Variants in TMEM38A observed in about 807,000 individuals in gnomAD.
TMEM38A encodes trimeric intracellular cation channel type A.
Under a neutral mutation model 28.6 loss-of-function variants are expected in TMEM38A, and 17 were observed. That is an observed-to-expected ratio of 0.60 (90% CI 0.41 to 0.89). TMEM38A has a LOEUF of 0.89. TMEM38A is among the 40% of genes least tolerant of loss of function. TMEM38A has a pLI of 0.00. For synonymous variants in TMEM38A, 169 were observed against 166.1 expected, an observed-to-expected ratio of 1.02 and a Z score of -0.14; for missense variants, 328 against 393.1, an observed-to-expected ratio of 0.83 and a Z score of 1.40.
chr19:16,678,215 G>T (rs945391277), intron 1 of TMEM38A, among the ~76,000 whole-genome samples: 3 of 152,140 alleles, frequency 2.0e-5, no homozygotes, highest in African/African-American at 7.2e-5. Flanking sequence ...CAGATCACAA[G>T]GTCAAGAGAT....
At chr19:16,677,511 A>C (rs1282736664) in intron 1 of TMEM38A, among the ~76,000 whole-genome samples, 1 of 142,360 alleles carries the variant, frequency 7.0e-6, no homozygotes, top group Non-Finnish European at 1.5e-5. Flanking sequence ...ATTAGAAAAA[A>C]TTTTTTGTAG....
At chr19:16,682,381 T>C (rs753388964) in intron 3 of TMEM38A, 40 bp from the exon 4 acceptor site, 41 of 1,549,654 alleles carry the variant, frequency 2.6e-5, no homozygotes, top group Non-Finnish European at 3.6e-5. Context: ...AAAGGAGACC[T>C]GGGGGTGGTG....
intron 1 of TMEM38A, among the ~76,000 whole-genome samples, chr19:16,670,391 C>T (rs2086722129): frequency 6.6e-6 from 1 of 151,958 alleles, no homozygotes; most frequent in Admixed American, 6.6e-5. Flanking sequence ...TCTCCTGCCT[C>T]AGCTGCCGGA....
chr19:16,687,059 G>C (rs2086804873), intron 5 of TMEM38A, among the ~76,000 whole-genome samples: 1 of 152,126 alleles, frequency 6.6e-6, no homozygotes, highest in Non-Finnish European at 1.5e-5. Context: ...ATTTATTCCT[G>C]GGCAGGCACG....
Position 16,661,248 on chromosome 19 carries a change from G to C in TMEM38A, c.31G>C (p.Glu11Gln). Reference protein sequence around the residue: MELLSALSLGELALSFSRVPL... With the variant: MELLSALSLGQLALSFSRVPL... ...GCTGCTCTCGGCGCTGAGCCTGGGC[G>C]AACTGGCGCTCAGCTTCTCGCGGGT... The change falls in exon 1 of 6, where the codon GAA becomes CAA. Residue 11 changes from glutamate to glutamine, a missense_variant. Coordinates refer to ENST00000187762, the MANE Select transcript of TMEM38A (RefSeq NM_024074.4). The surrounding 1 kb of genome is among the most constrained non-coding windows in gnomAD (Gnocchi z 6.5). 2 of 1,588,852 alleles carry C rather than the reference G, an allele frequency of 1.3e-6. No individual in the cohort carries two copies. The highest frequency in any genetic ancestry group is 1.7e-6 in the Non-Finnish European group (2 of 1,168,728).
rs769801430 is a variant in TMEM38A, at chr19:16,680,061, C to G, written c.202C>G (p.Leu68Val). The G allele has an allele frequency of 6.2e-7, 1 of 1,611,586 alleles. No homozygotes were observed. ...GCTGCATTGCTTCGGGAGCTACATC[C>G]TGGCTGATCTGCTCCTTGGGGAGCC... ...AMLHCFGSYILADLLLGEPLI... is the reference protein window; with the variant it reads ...AMLHCFGSYIVADLLLGEPLI... The change falls in exon 2 of 6, where the codon CTG (leucine) becomes GTG (valine). Residue 68 changes from leucine (L) to valine (V), a missense_variant. Coordinates refer to ENST00000187762, the MANE Select transcript of TMEM38A (RefSeq NM_024074.4).
intron 1 of TMEM38A, among the ~76,000 whole-genome samples, chr19:16,662,432 C>G (rs2086685923): frequency 7.7e-6 from 1 of 129,418 alleles, no homozygotes; most frequent in Admixed American, 7.6e-5. Context: ...AACGTAAATG[C>G]ACGCTTTTTT....
intron 1 of TMEM38A, among the ~76,000 whole-genome samples, chr19:16,668,035 CCT>C (rs1281555951): frequency 6.6e-6 from 1 of 151,832 alleles, no homozygotes; most frequent in East Asian, 1.9e-4. Flanking sequence ...ATGGTGAAAC[CCT>C]GTCTCTACTA....
intron 1 of TMEM38A, among the ~76,000 whole-genome samples, chr19:16,665,889 A>G (rs2086700995): frequency 6.6e-6 from 1 of 151,120 alleles, no homozygotes; most frequent in Non-Finnish European, 1.5e-5. Flanking sequence ...GCTCACTGCA[A>G]CCTTCACCTC....
chr19:16,685,569 G>T (rs557565904), intron 4 of TMEM38A, among the ~76,000 whole-genome samples: 3 of 152,288 alleles, frequency 2.0e-5, no homozygotes, highest in Non-Finnish European at 4.4e-5. Flanking sequence ...CTGAGCCTGG[G>T]TATCCAGGAT....
chr19:16,668,015 C>A (rs1008975818), intron 1 of TMEM38A, among the ~76,000 whole-genome samples: 2 of 152,046 alleles, frequency 1.3e-5, no homozygotes, highest in African/African-American at 4.8e-5. Flanking sequence ...TTGAGACCAG[C>A]CTGACCAACA....
At position 16,679,984 on chromosome 19, in the gene TMEM38A, G is replaced by C. The variant is rs776546600; in HGVS notation, c.125G>C (p.Gly42Ala). 6.2e-7 allele frequency: 1 copy of C among 1,600,740 alleles called. No homozygotes were observed. Among genetic ancestry groups the C allele is most frequent in the African/African-American group, 1.3e-5 (1 of 74,890 alleles). Residue 42 changes from glycine (G) to alanine (A), a missense_variant and splice_region_variant, in exon 2 of 6, where the codon GGA becomes GCA. Gly to Ala is a moderately conservative substitution (Grantham distance 60, BLOSUM62 0). Coordinates refer to ENST00000187762, the MANE Select transcript of TMEM38A (RefSeq NM_024074.4). ...TGGGGGACACTCCTGTGCCTCCCAGGAGCAGTCGAACTGTCCCGGCGCCAC... is the reference window on the plus strand; with the variant it reads ...TGGGGGACACTCCTGTGCCTCCCAGCAGCAGTCGAACTGTCCCGGCGCCAC... ...VSILYLKYEPGAVELSRRHPI... is the reference protein window; with the variant it reads ...VSILYLKYEPAAVELSRRHPI...
intron 1 of TMEM38A, among the ~76,000 whole-genome samples, chr19:16,666,055 A>G (rs1461776463): frequency 6.6e-6 from 1 of 151,836 alleles, no homozygotes; most frequent in Non-Finnish European, 1.5e-5. Flanking sequence ...ATCCCGGCTC[A>G]CTGCAACCTC....
chr19:16,679,064 G>A (rs952080106), intron 1 of TMEM38A, among the ~76,000 whole-genome samples: 2 of 150,838 alleles, frequency 1.3e-5, no homozygotes, highest in African/African-American at 2.4e-5. Flanking sequence ...CAGGAGGATC[G>A]CTTGAACCTG....
At chr19:16,673,947 A>G (rs1255416777) in intron 1 of TMEM38A, among the ~76,000 whole-genome samples, 1 of 151,540 alleles carries the variant, frequency 6.6e-6, no homozygotes, top group East Asian at 1.9e-4. Context: ...AAAAAAAAGT[A>G]TAAAAATTGG....
chr19:16,684,110 A>G (rs1240382090), intron 4 of TMEM38A, among the ~76,000 whole-genome samples: 1 of 147,140 alleles, frequency 6.8e-6, no homozygotes, highest in Non-Finnish European at 1.5e-5. Flanking sequence ...AGCCTGGGCA[A>G]TAGAGCAAGA....
intron 1 of TMEM38A, among the ~76,000 whole-genome samples, chr19:16,670,523 C>A (rs1451342470): frequency 6.6e-6 from 1 of 152,162 alleles, no homozygotes; most frequent in Admixed American, 6.6e-5. Flanking sequence ...TCCAGAAATA[C>A]CTCTTGCGTC....
intron 1 of TMEM38A, among the ~76,000 whole-genome samples, chr19:16,664,520 A>G (rs1178749709): frequency 6.6e-6 from 1 of 152,130 alleles, no homozygotes; most frequent in East Asian, 1.9e-4. Flanking sequence ...TTCTTCTCAG[A>G]ATTTGTGTGC....
intron 1 of TMEM38A, among the ~76,000 whole-genome samples, chr19:16,677,181 A>T (rs1227595825): frequency 6.6e-6 from 1 of 151,994 alleles, no homozygotes; most frequent in Non-Finnish European, 1.5e-5. Flanking sequence ...ATCTTGGAAG[A>T]GTTTATGACT....
Sources: gnomAD v4.1 joint callset for allele counts (sites outside exome capture counted in the v4.1 genomes callset) on GRCh38, gnomAD v4.1.1 for gene constraint, Gnocchi (gnomAD v3.1) non-coding constraint, MANE v1.5 for transcripts, NCBI Gene and HGNC (gene_info 2026-07-23, HGNC 2026-07-21) for gene names.